Variants in ASCC3 observed in about 807,000 individuals in gnomAD.
ASCC3 encodes the protein activating signal cointegrator 1 complex subunit 3, also known as ASC-1 complex subunit P200.
In ASCC3, 158 loss-of-function variants were observed where a neutral mutation model predicts 256.3. The ratio of observed to expected loss-of-function variants is 0.62; its 90% CI spans 0.54 to 0.70. The LOEUF (loss-of-function observed/expected upper bound fraction) is 0.70, where lower values mean the gene tolerates loss of function less well. Ranked by LOEUF, ASCC3 falls within the 30% of genes least tolerant of loss-of-function variation. ASCC3 has a pLI of 0.00. For synonymous variants in ASCC3, 948 were observed against 883.4 expected, an observed-to-expected ratio of 1.07 and a Z score of -1.30; for missense variants, 2,259 against 2,626.0, an observed-to-expected ratio of 0.86 and a Z score of 3.05.
At chr6:100,758,218 A>C (rs192374722) in intron 10 of ASCC3, among the ~76,000 whole-genome samples, 1 of 152,316 alleles carries the variant, frequency 6.6e-6, no homozygotes, top group East Asian at 1.9e-4. Context: ...AGATGTTGGA[A>C]TTATCTGACA....
intron 36 of ASCC3, among the ~76,000 whole-genome samples, chr6:100,583,108 G>T (rs1307481960): frequency 1.3e-5 from 2 of 152,174 alleles, no homozygotes; most frequent in Admixed American, 6.5e-5. Context: ...CAGAAAATGA[G>T]TTAGGGAGGA....
At chr6:100,713,357 G>A (rs1167064167) in intron 13 of ASCC3, among the ~76,000 whole-genome samples, 1 of 152,094 alleles carries the variant, frequency 6.6e-6, no homozygotes, top group East Asian at 1.9e-4. Flanking sequence ...ACTACAAGAT[G>A]TTCCAGAAAA....
intron 10 of ASCC3, among the ~76,000 whole-genome samples, chr6:100,737,039 C>T (rs4840151): frequency 0.48 from 73,285 of 151,514 alleles, 17,746 homozygotes; most frequent in South Asian, 0.68. Flanking sequence ...CCCAGCTACT[C>T]GGAAAGTTGA....
chr6:100,518,015 T>C lies in ASCC3; in HGVS notation c.5903A>G (p.Glu1968Gly), dbSNP rs750640907. Residue 1968 changes from glutamate (E) to glycine (G), a missense_variant, in exon 38 of 42, where the codon GAA becomes GGA. By Grantham distance (98) the Glu-to-Gly change is moderately conservative. Transcript: ENST00000369162. ...CTTGAAAAGGTGAAGATGATGGTTT[T>C]CTATGTTTGGTAGTGTAAGAAGAGA... ...DSSLLTLPNI[E>G]NHHLHLFKKW... 1.5e-5 allele frequency: 25 copies of C among 1,613,520 alleles called. No individual in the cohort carries two copies. The East Asian group carries it at 5.3e-4, about 35-fold the overall frequency.
At chr6:100,816,069 A>G (rs1770730622) in intron 4 of ASCC3, among the ~76,000 whole-genome samples, 1 of 152,108 alleles carries the variant, frequency 6.6e-6, no homozygotes, top group South Asian at 2.1e-4. Flanking sequence ...CAAGCAAAAG[A>G]CAAACAATCC....
At chr6:100,586,483 T>C (rs1429681858) in intron 36 of ASCC3, among the ~76,000 whole-genome samples, 2 of 152,212 alleles carry the variant, frequency 1.3e-5, no homozygotes, top group Non-Finnish European at 2.9e-5. Context: ...AGGTGCCGTC[T>C]GTCACCCCTT....
At chr6:100,615,141 G>A (rs1223734795) in intron 30 of ASCC3, among the ~76,000 whole-genome samples, 2 of 151,866 alleles carry the variant, frequency 1.3e-5, no homozygotes, top group Non-Finnish European at 2.9e-5. Flanking sequence ...TCAGCCTCTC[G>A]AGTAGCTGGG....
At chr6:100,751,735 A>ATT (rs1383845952) in intron 10 of ASCC3, among the ~76,000 whole-genome samples, 1 of 151,874 alleles carries the variant, frequency 6.6e-6, no homozygotes, top group Non-Finnish European at 1.5e-5. Flanking sequence ...TTACCTGCTC[A>ATT]TTTATATGGT....
chr6:100,851,500 T>C (rs1772666015), intron 3 of ASCC3, among the ~76,000 whole-genome samples: 1 of 152,216 alleles, frequency 6.6e-6, no homozygotes, highest in Admixed American at 6.5e-5. Flanking sequence ...AGCCCATGTT[T>C]GAAGAGAAAA....
intron 14 of ASCC3, 143 bp downstream of exon 14, chr6:100,679,475 G>T: frequency 2.6e-6 from 3 of 1,136,678 alleles, no homozygotes; most frequent in Non-Finnish European, 3.9e-6. Flanking sequence ...AGATCATTAA[G>T]TCAAGAAAAA....
rs141916558 is a variant in ASCC3 at position 100,655,129 on chromosome 6, A to C, written c.2823+570T>G. On this transcript the variant is annotated intron_variant, in intron 17 of 41. Coordinates refer to ENST00000369162, the MANE Select transcript of ASCC3 (RefSeq NM_006828.4). Reference sequence around the variant, plus strand: ...TTATAAAGGAAAGACAAGATTTCACAGAATCTATAAGCCACACGGACCACA... The same window carrying C: ...TTATAAAGGAAAGACAAGATTTCACCGAATCTATAAGCCACACGGACCACA... 5.3e-5 allele frequency among the ~76,000 whole-genome samples: 8 copies of C among 152,094 alleles called. No individual in the cohort carries two copies. The East Asian group carries it at 1.5e-3, about 29-fold the overall frequency.
chr6:100,634,880 AAAG>A (rs1256616623), intron 25 of ASCC3, among the ~76,000 whole-genome samples: 1 of 140,656 alleles, frequency 7.1e-6, no homozygotes, highest in African/African-American at 2.5e-5. Flanking sequence ...AAAAAAAAAA[AAAG>A]AAAAGAAAAA....
At position 100,770,680 on chromosome 6, in the gene ASCC3, T is replaced by C. The variant is rs577308580; in HGVS notation, c.1396-3335A>G. On this transcript the variant is annotated intron_variant, in intron 8 of 41. Coordinates refer to ENST00000369162, the MANE Select transcript of ASCC3 (RefSeq NM_006828.4). ...AGATCAACAACTAAAAAATTACATT[T>C]CTATATACCGGCAATGAAATATCTG... 7.2e-5 allele frequency among the ~76,000 whole-genome samples: 11 copies of C among 152,102 alleles called. No individual in the cohort carries two copies. The East Asian group carries it at 1.9e-3, about 27-fold the overall frequency.
intron 36 of ASCC3, among the ~76,000 whole-genome samples, chr6:100,582,887 A>G (rs1009387014): frequency 1.3e-4 from 20 of 152,158 alleles, no homozygotes; most frequent in African/African-American, 4.8e-4. Flanking sequence ...GCTGGATTAC[A>G]TTTATTGATT....
At chr6:100,795,521 C>CA (rs1769568800) in intron 8 of ASCC3, among the ~76,000 whole-genome samples, 1 of 152,090 alleles carries the variant, frequency 6.6e-6, no homozygotes, top group East Asian at 1.9e-4. Context: ...CATAAATTGT[C>CA]ACCCTTGCTT....
chr6:100,601,590 T>G (rs997730570), intron 34 of ASCC3, among the ~76,000 whole-genome samples: 1 of 152,046 alleles, frequency 6.6e-6, no homozygotes, highest in East Asian at 1.9e-4. Flanking sequence ...CAGGATGGCT[T>G]AAGGTAATTA....
At chr6:100,834,469 T>C (rs1435679835) in intron 4 of ASCC3, among the ~76,000 whole-genome samples, 1 of 152,190 alleles carries the variant, frequency 6.6e-6, no homozygotes, top group African/African-American at 2.4e-5. Context: ...AACTGTCAGA[T>C]GTCTTATTAT....
chr6:100,813,991 T>C (rs182681856), intron 4 of ASCC3, among the ~76,000 whole-genome samples: 1 of 152,218 alleles, frequency 6.6e-6, no homozygotes, highest in Admixed American at 6.5e-5. Context: ...GTTGAATAGG[T>C]GAGAGAGGAC....
intron 4 of ASCC3, among the ~76,000 whole-genome samples, chr6:100,819,432 C>T (rs1482402228): frequency 2.0e-5 from 3 of 152,148 alleles, no homozygotes; most frequent in Admixed American, 2.0e-4. Flanking sequence ...GGCGTATTGA[C>T]TCACACGATC....
Sources: allele counts gnomAD v4.1 joint callset (sites outside exome capture counted in the v4.1 genomes callset), GRCh38; gene constraint gnomAD v4.1.1; transcripts MANE v1.5; gene names NCBI Gene and HGNC (gene_info 2026-07-23, HGNC 2026-07-21).